The following NBEA variants were observed in gnomAD, a reference collection of about 807,000 sequenced individuals.
The protein encoded by NBEA is lysosomal-trafficking regulator 2.
Under a neutral mutation model 343.4 loss-of-function variants are expected in NBEA, and 44 were observed. The observed-to-expected ratio is 0.13, with a 90% CI of 0.10 to 0.16. The LOEUF (loss-of-function observed/expected upper bound fraction) is 0.16, where lower values mean the gene tolerates loss of function less well. Among genes scored for constraint, NBEA ranks in the 10% least tolerant of loss-of-function variants. The probability of loss-of-function intolerance (pLI) is 1.00; values close to 1 mark genes in which losing one functional copy is unlikely to be tolerated. For synonymous variants in NBEA, 1,175 were observed against 1,238.7 expected (o/e 0.95, Z 1.08); for missense variants, 2,555 against 3,631.3 (o/e 0.70, Z 7.62).
rs573377207 is a variant in NBEA, at chr13:35,376,050, T to C, written c.6179+23727T>C. On this transcript the variant is annotated intron_variant, in intron 38 of 58. Transcript: ENST00000379939. Reference sequence around the variant, plus strand: ...AAAAGACTTCATTTTATATATTTATTATTATTATTCTTTACTTTTGCTTTT... The same window carrying C: ...AAAAGACTTCATTTTATATATTTATCATTATTATTCTTTACTTTTGCTTTT... Among the ~76,000 whole-genome samples the C allele has an allele frequency of 2.6e-5, 4 of 152,208 alleles. No homozygotes were observed. The South Asian group carries it at 6.2e-4, about 24-fold the overall frequency.
intron 39 of NBEA, among the ~76,000 whole-genome samples, chr13:35,435,120 C>T (rs923084585): frequency 1.3e-5 from 2 of 152,100 alleles, no homozygotes; most frequent in South Asian, 2.1e-4. Context: ...CCTTCACCTC[C>T]TGGGTTCAAG....
At chr13:35,078,404 C>G (rs1028809812) in intron 10 of NBEA, among the ~76,000 whole-genome samples, 3 of 152,074 alleles carry the variant, frequency 2.0e-5, no homozygotes, top group Non-Finnish European at 4.4e-5. Context: ...CATTCTGGGT[C>G]CTAAAAGATT....
chr13:35,110,050 TTAAA>T (rs1566299442), intron 12 of NBEA, among the ~76,000 whole-genome samples: 2 of 126,556 alleles, frequency 1.6e-5, no homozygotes, highest in Non-Finnish European at 3.3e-5. Context: ...TTTTTTTTTT[TTAAA>T]TGTTTTTTTT....
At chr13:34,987,556 G>T (rs2060596706) in intron 1 of NBEA, among the ~76,000 whole-genome samples, 1 of 150,806 alleles carries the variant, frequency 6.6e-6, no homozygotes, top group Admixed American at 6.6e-5. Flanking sequence ...GCTGGGTTGG[G>T]GAAGTTCTCC....
At chr13:34,966,249 C>G (rs1172152610) in intron 1 of NBEA, among the ~76,000 whole-genome samples, 2 of 152,110 alleles carry the variant, frequency 1.3e-5, no homozygotes, top group Admixed American at 6.6e-5. Context: ...CATGTAGATT[C>G]ATCTGATTGG....
intron 45 of NBEA, among the ~76,000 whole-genome samples, chr13:35,568,567 A>C (rs1423363209): frequency 2.6e-5 from 4 of 152,258 alleles, no homozygotes; most frequent in South Asian, 2.1e-4. Flanking sequence ...TCAGTCCCCC[A>C]AAAAATTAAA....
chr13:35,113,635 G>A (rs796570529), intron 13 of NBEA, among the ~76,000 whole-genome samples: 7 of 130,314 alleles, frequency 5.4e-5, no homozygotes, highest in African/African-American at 2.0e-4. Context: ...CTATCTGTCT[G>A]TCTATCATCT....
chr13:35,411,355 G>A (rs2043570356), intron 38 of NBEA, among the ~76,000 whole-genome samples: 1 of 152,040 alleles, frequency 6.6e-6, no homozygotes, highest in Non-Finnish European at 1.5e-5. Context: ...ATGTCCAATT[G>A]GTCCTCTTCA....
At chr13:35,306,443 T>G (rs945226092) in intron 35 of NBEA, among the ~76,000 whole-genome samples, 4 of 152,106 alleles carry the variant, frequency 2.6e-5, no homozygotes, top group African/African-American at 7.2e-5. Context: ...TTGTACCTCA[T>G]TATCTCTTTG....
intron 34 of NBEA, among the ~76,000 whole-genome samples, chr13:35,266,257 C>T (rs554160976): frequency 6.6e-6 from 1 of 151,858 alleles, no homozygotes; most frequent in East Asian, 1.9e-4. Flanking sequence ...ATTAGGATAG[C>T]CATTGTGGAA....
chr13:35,554,057 T>A (rs2079470411), intron 43 of NBEA, among the ~76,000 whole-genome samples: 1 of 152,178 alleles, frequency 6.6e-6, no homozygotes, highest in Non-Finnish European at 1.5e-5. Context: ...CCAACAGACA[T>A]ACACACCCCA....
In NBEA at chr13:34,968,748, A is replaced by T. The variant is rs1475145366; in HGVS notation, c.294+25634A>T. On this transcript the variant is annotated intron_variant, in intron 1 of 58. Transcript: ENST00000379939. ...TTATTTTAAACTTTTTGCTGATATG[A>T]TACTATTTTATAGAATTTTTAAAAT... Among the ~76,000 whole-genome samples, 4 of 152,106 alleles carry T rather than the reference A, an allele frequency of 2.6e-5. No individual in the cohort carries two copies. The East Asian group carries it at 7.7e-4, about 29-fold the overall frequency.
At chr13:34,983,171 T>G (rs1726747643) in intron 1 of NBEA, among the ~76,000 whole-genome samples, 1 of 152,062 alleles carries the variant, frequency 6.6e-6, no homozygotes, top group African/African-American at 2.4e-5. Context: ...TACCTCCCCC[T>G]GACCCCCACC....
chr13:35,430,549 G>T (rs1375483625), intron 38 of NBEA, among the ~76,000 whole-genome samples: 1 of 152,036 alleles, frequency 6.6e-6, no homozygotes, highest in South Asian at 2.1e-4. Context: ...TTTTTCCAGT[G>T]TTATCTTCTA....
chr13:35,185,212 G>C (rs1454169946), intron 30 of NBEA: 1 of 152,160 alleles, frequency 6.6e-6, no homozygotes, highest in Non-Finnish European at 1.5e-5. Flanking sequence ...CTGACAGCCA[G>C]CAAGAAAGTG....
intron 36 of NBEA, among the ~76,000 whole-genome samples, chr13:35,345,153 A>G (rs1024156469): frequency 3.3e-5 from 5 of 152,126 alleles, no homozygotes; most frequent in African/African-American, 9.6e-5. Context: ...GAAAACTTTT[A>G]TGATCATCTT....
chr13:34,975,679 A>G (rs1403038681), intron 1 of NBEA, among the ~76,000 whole-genome samples: 1 of 152,146 alleles, frequency 6.6e-6, no homozygotes, highest in African/African-American at 2.4e-5. Context: ...CACAATCTAT[A>G]CATCCAACAA....
intron 1 of NBEA, among the ~76,000 whole-genome samples, chr13:35,018,128 A>T (rs1179867042): frequency 1.3e-5 from 2 of 152,086 alleles, no homozygotes; most frequent in Admixed American, 1.3e-4. Flanking sequence ...TATGGTAATG[A>T]CATATTGCCT....
chr13:35,299,858 G>A (rs1315314334), intron 35 of NBEA, among the ~76,000 whole-genome samples: 1 of 152,062 alleles, frequency 6.6e-6, no homozygotes, highest in Non-Finnish European at 1.5e-5. Flanking sequence ...TTATCCCTTT[G>A]CATGTGTTTT....
Sources: allele counts gnomAD v4.1 joint callset (sites outside exome capture counted in the v4.1 genomes callset), GRCh38; gene constraint gnomAD v4.1.1; transcripts MANE v1.5; gene names NCBI Gene and HGNC (gene_info 2026-07-23, HGNC 2026-07-21).